The following PCDH7 variants were observed in gnomAD, a reference collection of about 807,000 sequenced individuals.
The protein encoded by PCDH7 is protocadherin 7.
In PCDH7, 17 loss-of-function variants were observed where a neutral mutation model predicts 58.9. That is an observed-to-expected ratio of 0.29 (90% CI 0.20 to 0.43). The LOEUF is 0.43. PCDH7 is among the 20% of genes least tolerant of loss of function. The pLI is 1.00. For synonymous variants in PCDH7, 664 were observed against 616.4 expected (o/e 1.08, Z -1.14); for missense variants, 1,274 against 1,441.0 (o/e 0.88, Z 1.88).
intron 3 of PCDH7, among the ~76,000 whole-genome samples, chr4:31,094,665 C>T (rs910734579): frequency 9.3e-6 from 1 of 107,984 alleles, no homozygotes; most frequent in African/African-American, 7.1e-5. Flanking sequence ...CTGGGGAGAG[C>T]ATTAGCAAAA....
intron 3 of PCDH7, among the ~76,000 whole-genome samples, chr4:31,102,682 A>G (rs1446217378): frequency 6.6e-6 from 1 of 152,192 alleles, no homozygotes; most frequent in Admixed American, 6.5e-5. Context: ...TCAAAAAAAA[A>G]AAAAAAATCT....
At chr4:31,122,657 G>T (rs1717829347) in intron 3 of PCDH7, among the ~76,000 whole-genome samples, 1 of 151,664 alleles carries the variant, frequency 6.6e-6, no homozygotes, top group South Asian at 2.1e-4. Flanking sequence ...TAAGTGTAGG[G>T]TAGAGATGAT....
rs1462015614 is a variant in PCDH7 at position 31,063,547 on chromosome 4, C to T, written c.*8-78926C>T. 4.0e-5 allele frequency among the ~76,000 whole-genome samples: 6 copies of T among 151,506 alleles called. 1 individual carries two copies. The highest frequency in any genetic ancestry group is 4.2e-4 in the South Asian group (2 of 4,800). On this transcript the variant is annotated intron_variant, in intron 3 of 3. Transcript: ENST00000509759. ...ATCCAAATGGGAAATGTATTATTTT[C>T]CTCCATTTCACATTTGAGAAAACTC... is the stretch of plus-strand genomic sequence containing the variant.
At chr4:31,027,350 C>A (rs1754519439) in intron 3 of PCDH7, among the ~76,000 whole-genome samples, 2 of 152,004 alleles carry the variant, frequency 1.3e-5, no homozygotes, top group East Asian at 1.9e-4. Flanking sequence ...TTATAATATT[C>A]TACATTATTC....
intron 1 of PCDH7, among the ~76,000 whole-genome samples, chr4:30,739,541 G>A (rs1245748906): frequency 2.6e-5 from 4 of 151,294 alleles, no homozygotes; most frequent in Admixed American, 2.6e-4. Context: ...TTGGATTTAG[G>A]AACAATAGAT....
At chr4:31,049,019 T>C (rs1756523836) in intron 3 of PCDH7, among the ~76,000 whole-genome samples, 1 of 152,176 alleles carries the variant, frequency 6.6e-6, no homozygotes, top group East Asian at 1.9e-4. Flanking sequence ...TTAATTATAC[T>C]TTAAGTTTTA....
chr4:31,088,698 G>T (rs1335691958), intron 3 of PCDH7, among the ~76,000 whole-genome samples: 1 of 151,942 alleles, frequency 6.6e-6, no homozygotes, highest in South Asian at 2.1e-4. Context: ...TCTTTTAAAA[G>T]AGTGTATTTG....
At chr4:30,922,478 C>A (rs1743302882) in intron 2 of PCDH7, among the ~76,000 whole-genome samples, 1 of 151,648 alleles carries the variant, frequency 6.6e-6, no homozygotes, top group South Asian at 2.1e-4. Context: ...GGATTCATCA[C>A]CTTTAAAATA....
chr4:30,903,837 T>A (rs566010959), intron 1 of PCDH7, among the ~76,000 whole-genome samples: 1 of 152,258 alleles, frequency 6.6e-6, no homozygotes, highest in Admixed American at 6.5e-5. Flanking sequence ...CTACTTCATT[T>A]TTTTTGTTTT....
At chr4:30,797,060 A>G (rs1255027067) in intron 1 of PCDH7, among the ~76,000 whole-genome samples, 1 of 151,960 alleles carries the variant, frequency 6.6e-6, no homozygotes, top group African/African-American at 2.4e-5. Flanking sequence ...TCTCGGACTC[A>G]AGCAATTCTC....
chr4:30,748,677 C>T (rs990482746), intron 1 of PCDH7, among the ~76,000 whole-genome samples: 3 of 152,162 alleles, frequency 2.0e-5, no homozygotes, highest in Admixed American at 1.3e-4. Context: ...TTTGGGGCGA[C>T]ACATTCAAAC....
chr4:31,138,165 A>C (rs901205505), intron 3 of PCDH7, among the ~76,000 whole-genome samples: 1 of 151,926 alleles, frequency 6.6e-6, no homozygotes, highest in Non-Finnish European at 1.5e-5. Context: ...TCTATCTGTC[A>C]CTTCTTGTTG....
intron 3 of PCDH7, among the ~76,000 whole-genome samples, chr4:31,007,444 G>A (rs558819638): frequency 3.0e-4 from 46 of 152,112 alleles, no homozygotes; most frequent in South Asian, 2.7e-3. Context: ...TCAATTGTTC[G>A]CATTGCAAAG....
At chr4:30,726,322 A>C (rs1407891865) in intron 1 of PCDH7, among the ~76,000 whole-genome samples, 2 of 152,066 alleles carry the variant, frequency 1.3e-5, no homozygotes, top group Non-Finnish European at 2.9e-5. Context: ...CTCGGTTCTT[A>C]TCCTAATGGT....
intron 1 of PCDH7, among the ~76,000 whole-genome samples, chr4:30,775,853 C>T (rs991780962): frequency 3.3e-5 from 5 of 152,024 alleles, no homozygotes; most frequent in African/African-American, 1.2e-4. Flanking sequence ...GCCAAGATTG[C>T]ACCACTGCAC....
chr4:31,030,133 TTGTGTGTGTGCA>T (rs11274879), intron 3 of PCDH7, among the ~76,000 whole-genome samples: 34 of 147,626 alleles, frequency 2.3e-4, no homozygotes, highest in East Asian at 8.3e-4. Context: ...GTGTGTATGT[TTGTGTGTGTGCA>T]TGTGTGTGTG....
chr4:30,923,575 A>G lies in PCDH7; in HGVS notation c.287+3206A>G, dbSNP rs145933155. On this transcript the variant is annotated intron_variant, in intron 2 of 3. Transcript: ENST00000509759. The stretch of plus-strand genomic sequence containing the variant: ...AAAAGAATATACCATAAGAATAAAT[A>G]TAATTTCTTACCACCGGAATCTAAT... 5.1e-3 allele frequency among the ~76,000 whole-genome samples: 774 copies of G among 152,252 alleles called. 4 individuals carry two copies. Among genetic ancestry groups the G allele is most frequent in the Non-Finnish European group, 9.4e-3 (636 of 67,978 alleles).
intron 1 of PCDH7, among the ~76,000 whole-genome samples, chr4:30,738,466 G>A (rs182962844): frequency 5.9e-5 from 9 of 151,964 alleles, no homozygotes; most frequent in African/African-American, 1.7e-4. Flanking sequence ...GTTTGCATGG[G>A]CATCAAATTT....
intron 3 of PCDH7, among the ~76,000 whole-genome samples, chr4:31,074,849 T>G (rs934485002): frequency 1.4e-5 from 2 of 147,638 alleles, no homozygotes; most frequent in Non-Finnish European, 3.0e-5. Flanking sequence ...ATCCTGCATA[T>G]GAGATTCATG....
Sources: allele counts gnomAD v4.1 joint callset (sites outside exome capture counted in the v4.1 genomes callset), GRCh38; gene constraint gnomAD v4.1.1; transcripts MANE v1.5; gene names NCBI Gene and HGNC (gene_info 2026-07-23, HGNC 2026-07-21).